The following RIPOR3 variants were observed in gnomAD, a reference collection of about 807,000 sequenced individuals.
RIPOR3 encodes the protein RIPOR family member 3.
In RIPOR3, 95 loss-of-function variants were observed where a neutral mutation model predicts 114.3. The observed-to-expected ratio is 0.83, with a 90% confidence interval of 0.70 to 0.99. RIPOR3 has a LOEUF of 0.99. Ranked by LOEUF, RIPOR3 falls within the 50% of genes least tolerant of loss-of-function variation. The pLI is 0.00. For synonymous variants in RIPOR3, 575 were observed against 543.8 expected (o/e 1.06, Z -0.80); for missense variants, 1,252 against 1,266.9 (o/e 0.99, Z 0.18).
rs138767773 is a variant in RIPOR3 at position 50,593,370 on chromosome 20, C to T, written c.2213-174G>A. ...GGCAGATCACCTGAGGTCAGGAGTT[C>T]GAGACCAGCCTGACCAACATGGTGA... On this transcript the variant is annotated intron_variant, in intron 17 of 21. Coordinates refer to ENST00000327979, the MANE Select transcript of RIPOR3 (RefSeq NM_001290268.2). Among the ~76,000 whole-genome samples the T allele has an allele frequency of 1.3e-4, 20 of 152,262 alleles. No individual in the cohort carries two copies. The East Asian group carries it at 2.5e-3, about 19-fold the overall frequency.
intron 1 of RIPOR3, chr20:50,636,614 C>T (rs186316559): frequency 1.9e-4 from 184 of 985,640 alleles, no homozygotes; most frequent in South Asian, 1.1e-3. Flanking sequence ...TCTTCTACTC[C>T]GTGTCCCTCG....
chr20:50,602,383 G>A lies in RIPOR3; in HGVS notation c.1348C>T (p.Pro450Ser), dbSNP rs1336018402. The change falls in exon 13 of 22, where the codon CCC becomes TCC. Residue 450 changes from proline to serine, a missense_variant. By Grantham distance (74) the Pro-to-Ser change is moderately conservative (BLOSUM62 -1). Coordinates refer to ENST00000327979, the MANE Select transcript of RIPOR3 (RefSeq NM_001290268.2). The surrounding 1 kb of genome is among the most constrained non-coding windows in gnomAD (Gnocchi z 4.3). ...ASIEEEARED[P>S]LPPGLLPEMA... ...TCTGGCAGGAGACCTGGGGGCAGGG[G>A]GTCCTCCCGAGCCTCCTCTTCAATG... is the stretch of plus-strand genomic sequence containing the variant. The A allele has an allele frequency of 3.1e-6, 5 of 1,612,994 alleles. No homozygotes were observed. In the South Asian group the frequency reaches 5.5e-5, roughly 18 times the overall value.
intron 11 of RIPOR3, among the ~76,000 whole-genome samples, chr20:50,607,438 TG>T (rs1303406725): frequency 1.3e-5 from 2 of 152,100 alleles, no homozygotes; most frequent in Non-Finnish European, 2.9e-5. Flanking sequence ...CGAAGAAACT[TG>T]CTTATAATTA....
At chr20:50,661,706 G>A (rs1244750367) in intron 1 of RIPOR3, among the ~76,000 whole-genome samples, 3 of 152,150 alleles carry the variant, frequency 2.0e-5, no homozygotes, top group South Asian at 2.1e-4. Context: ...TTGAAGGTCC[G>A]GACAAAGGGT....
At chr20:50,622,748 C>T (rs2084464961) in intron 2 of RIPOR3, among the ~76,000 whole-genome samples, 1 of 152,090 alleles carries the variant, frequency 6.6e-6, no homozygotes. Context: ...TTTTGGGGGT[C>T]CTTTTATCAA....
intron 1 of RIPOR3, among the ~76,000 whole-genome samples, chr20:50,644,909 G>T (rs1056716854): frequency 7.3e-5 from 11 of 149,804 alleles, no homozygotes; most frequent in Non-Finnish European, 1.6e-4. Context: ...GCGCAATCTT[G>T]GCTCATTGCA....
Position 50,587,233 on chromosome 20 carries a change from T to A in RIPOR3, c.2852A>T (p.Ter951LeuextTer27), listed in dbSNP as rs1437851182. Residue 951 changes from the stop codon to leucine (L), a stop_lost, in exon 22 of 22, where the codon TAA becomes TTA. Coordinates refer to ENST00000327979, the MANE Select transcript of RIPOR3 (RefSeq NM_001290268.2). ...TTTGTGCTCATCAGCCAGGATTTTT[T>A]AAAATATTGTGATTTCAACATCTGC... ...QEADVEITIF* is the reference protein window; with the variant it reads ...QEADVEITIFL 79 of 1,613,372 alleles carry A rather than the reference T, an allele frequency of 4.9e-5. No homozygotes were observed. Among genetic ancestry groups the A allele is most frequent in the Middle Eastern group, 1.6e-4 (1 of 6,084 alleles).
At chr20:50,608,806 C>T in intron 9 of RIPOR3, 68 bp from the exon 10 acceptor site, 2 of 1,612,644 alleles carry the variant, frequency 1.2e-6, no homozygotes, top group Non-Finnish European at 1.7e-6. Flanking sequence ...GCCCAGGGCC[C>T]TCCCTGCCAG....
intron 6 of RIPOR3, among the ~76,000 whole-genome samples, chr20:50,610,648 CCT>C (rs2083943614): frequency 6.6e-6 from 1 of 152,060 alleles, no homozygotes; most frequent in South Asian, 2.1e-4. Context: ...GGCTGAGCCC[CCT>C]GACTCCCACC....
Position 50,609,554 on chromosome 20 carries a change from C to T in RIPOR3, c.576+19G>A. 1 of 1,427,644 alleles carries T rather than the reference C, an allele frequency of 7.0e-7. No homozygotes were observed. The allele number at this position is 1,427,644 out of a possible 1,614,324, so 88.4% of individuals were successfully genotyped here. ...GCTCTTGCTGCCCCTGCTGCCCAGC[C>T]CAGCTTGGCCCGGCCCACCTCGGCG... On this transcript the variant is annotated intron_variant, in intron 7 of 21. Coordinates refer to ENST00000327979, the MANE Select transcript of RIPOR3 (RefSeq NM_001290268.2).
chr20:50,630,591 CTCTCTCTCTG>C (rs2084783715), intron 2 of RIPOR3, 137 bp downstream of exon 2: 1 of 624,830 alleles, frequency 1.6e-6, no homozygotes, highest in African/African-American at 1.9e-5. Context: ...CTCTCTCTCT[CTCTCTCTCTG>C]TCTCTCTCGG....
intron 1 of RIPOR3, among the ~76,000 whole-genome samples, chr20:50,687,135 G>A (rs2087054564): frequency 6.6e-6 from 1 of 152,242 alleles, no homozygotes; most frequent in South Asian, 2.1e-4. Context: ...AAACGGAAGA[G>A]GACTAATCGG....
At chr20:50,671,292 G>A (rs1308423779) in intron 1 of RIPOR3, among the ~76,000 whole-genome samples, 1 of 152,052 alleles carries the variant, frequency 6.6e-6, no homozygotes, top group African/African-American at 2.4e-5. Flanking sequence ...CCCAGCCATG[G>A]GTAGGCACTT....
chr20:50,598,417 C>T (rs2083378156), intron 13 of RIPOR3, among the ~76,000 whole-genome samples: 2 of 151,990 alleles, frequency 1.3e-5, no homozygotes, highest in South Asian at 4.1e-4. Flanking sequence ...CAGCACACCC[C>T]ACCCAGGCCT....
intron 13 of RIPOR3, 113 bp from the exon 14 acceptor site, chr20:50,597,823 A>G (rs2083351870): frequency 9.0e-6 from 13 of 1,439,280 alleles, no homozygotes; most frequent in East Asian, 2.5e-5. Flanking sequence ...CCAAGCCCCA[A>G]TCCCACACAC....
At chr20:50,658,814 C>A (rs781191726) in intron 1 of RIPOR3, among the ~76,000 whole-genome samples, 1 of 152,120 alleles carries the variant, frequency 6.6e-6, no homozygotes, top group Non-Finnish European at 1.5e-5. Flanking sequence ...AGATGAAACA[C>A]GTTCCTAGAG....
intron 2 of RIPOR3, among the ~76,000 whole-genome samples, chr20:50,630,502 G>A (rs1600631398): frequency 6.6e-6 from 1 of 151,984 alleles, no homozygotes; most frequent in East Asian, 1.9e-4. Flanking sequence ...AACTGTTCAG[G>A]TTTCAAGGAA....
intron 1 of RIPOR3, chr20:50,636,938 G>GACT (rs2085010102): frequency 1.0e-6 from 1 of 984,420 alleles, no homozygotes; most frequent in Non-Finnish European, 1.2e-6. Context: ...CCTCACTTAG[G>GACT]GCTCCTTTTT....
chr20:50,627,321 T>G (rs538417614), intron 2 of RIPOR3, among the ~76,000 whole-genome samples: 1 of 146,780 alleles, frequency 6.8e-6, no homozygotes, highest in Non-Finnish European at 1.5e-5. Context: ...ACCAATATGG[T>G]GAAACCCTGT....
Sources: gnomAD v4.1 joint callset for allele counts (sites outside exome capture counted in the v4.1 genomes callset) on GRCh38, gnomAD v4.1.1 for gene constraint, Gnocchi (gnomAD v3.1) non-coding constraint, MANE v1.5 for transcripts, NCBI Gene and HGNC (gene_info 2026-07-23, HGNC 2026-07-21) for gene names.